The following COL7A1 variants were observed in gnomAD, a reference collection of about 807,000 sequenced individuals.
COL7A1 encodes collagen alpha-1(VII) chain.
COL7A1 carries 296 observed loss-of-function variants against 456.2 expected under a neutral mutation model. That is an observed-to-expected ratio of 0.65 (90% CI 0.59 to 0.71). The LOEUF (loss-of-function observed/expected upper bound fraction) is 0.71, where lower values mean the gene tolerates loss of function less well. COL7A1 is among the 30% of genes least tolerant of loss of function. The pLI is 0.00. For missense variants in COL7A1, 3,441 were observed against 4,017.2 expected (o/e 0.86, Z 3.88); for synonymous variants, 1,464 against 1,525.9 (o/e 0.96, Z 0.95).
At position 48,594,779 on chromosome 3, in the gene COL7A1, C is replaced by T. The variant is rs973944322; in HGVS notation, c.86-231G>A. Among the ~76,000 whole-genome samples the T allele has an allele frequency of 3.8e-4, 58 of 152,108 alleles. No homozygotes were observed. The highest frequency in any genetic ancestry group is 1.4e-3 in the African/African-American group (57 of 41,498). On this transcript the variant is annotated intron_variant, in intron 2 of 118. Coordinates refer to ENST00000681320, the MANE Select transcript of COL7A1 (RefSeq NM_000094.4). This position sits in a 1 kb window ranked among gnomAD's most constrained non-coding sequence, Gnocchi z 5.5. ...TGCGGGGGAGGGAGAGTCGCCAGCA[C>T]GGGTGTGGACTTGGGACTGAGGTCA...
Position 48,588,731 on chromosome 3 carries a change from C to T in COL7A1, c.2498G>A (p.Gly833Asp), listed in dbSNP as rs968400199. The change falls in exon 20 of 119, where the codon GGT (glycine) becomes GAT (aspartate). Residue 833 changes from glycine (G) to aspartate (D), a missense_variant. Transcript: ENST00000681320. This position sits in a 1 kb window ranked among gnomAD's most constrained non-coding sequence, Gnocchi z 4.6. ...PGNTDSAEIR[G>D]LEGGVSYSVR... ...TGAGTAGCTGACTCCACCTTCGAGA[C>T]CCCGGATCTCTGCAGAGTCTGTGTT... 3 of 1,613,896 alleles carry T rather than the reference C, an allele frequency of 1.9e-6. No individual in the cohort carries two copies. The highest frequency in any genetic ancestry group is 2.5e-6 in the Non-Finnish European group (3 of 1,180,052).
intron 71 of COL7A1, 119 bp from the exon 72 acceptor site, chr3:48,576,021 C>A: frequency 6.5e-7 from 1 of 1,532,460 alleles, no homozygotes; most frequent in African/African-American, 1.4e-5. Flanking sequence ...CCCAGAGCAC[C>A]CTTTAGCACT....
chr3:48,573,168 AC>A lies in COL7A1; in HGVS notation c.6714+5del. On this transcript the variant is annotated splice_donor_5th_base_variant and intron_variant, in intron 85 of 118. Transcript: ENST00000681320. This position sits in a 1 kb window ranked among gnomAD's most constrained non-coding sequence, Gnocchi z 5.5. ...GTCCCTACAGGGGCCACAGGGACTC[AC>A]TCACCACAAGGCCTGAAGGGCCGGG... The A allele has an allele frequency of 6.2e-7, 1 of 1,613,992 alleles. No individual in the cohort carries two copies. The highest frequency in any genetic ancestry group is 8.5e-7 in the Non-Finnish European group (1 of 1,179,954).
rs966225350 is a variant in COL7A1 at position 48,585,255 on chromosome 3, G to C, written c.3895-139C>G. 3.4e-6 allele frequency: 3 copies of C among 875,350 alleles called. No individual in the cohort carries two copies. The highest frequency in any genetic ancestry group is 3.4e-4 in the Middle Eastern group (1 of 2,956). The allele number at this position is 875,350 out of a possible 1,614,324, so 54.2% of individuals were successfully genotyped here. On this transcript the variant is annotated intron_variant, in intron 32 of 118. Coordinates refer to ENST00000681320, the MANE Select transcript of COL7A1 (RefSeq NM_000094.4). The surrounding 1 kb of genome is among the most constrained non-coding windows in gnomAD (Gnocchi z 4.5). ...TTATTGGGGGTGGAACAGTGAGGCA[G>C]AGAAATGGCCCCTCAGAGCTTCACA...
At position 48,580,368 on chromosome 3, in the gene COL7A1, C is replaced by T. The variant is rs1296396089; in HGVS notation, c.5053-24G>A. The T allele has an allele frequency of 6.2e-7, 1 of 1,605,920 alleles. No homozygotes were observed. Among genetic ancestry groups the T allele is most frequent in the South Asian group, 1.1e-5 (1 of 89,742 alleles). The stretch of plus-strand genomic sequence containing the variant: ...CCCTGCAGAAAGGCAGGGGTCAGGG[C>T]CACTCAAGGTAGGCAGCAGTTTGGG... On this transcript the variant is annotated intron_variant, in intron 55 of 118. Transcript: ENST00000681320. The surrounding 1 kb of genome is among the most constrained non-coding windows in gnomAD (Gnocchi z 4.5).
intron 44 of COL7A1, 132 bp downstream of exon 44, chr3:48,582,875 AGAGCCT>A: frequency 7.3e-7 from 1 of 1,362,224 alleles, no homozygotes; most frequent in Non-Finnish European, 1.0e-6. Flanking sequence ...GCTGAGGGTT[AGAGCCT>A]GTATCAGCAG....
chr3:48,564,932 A>G lies in COL7A1; in HGVS notation c.8669T>C (p.Leu2890Pro). Residue 2890 changes from leucine (L) to proline (P), a missense_variant, in exon 118 of 119, where the codon CTG (leucine) becomes CCG (proline). Physicochemically the swap from Leu to Pro is moderately conservative, Grantham distance 98. Transcript: ENST00000681320. The surrounding 1 kb of genome is among the most constrained non-coding windows in gnomAD (Gnocchi z 6.0). ...TGTCACAGCCCGATGGTACCAGCGC[A>G]GGGTGTAGGCAGTGCAGGAGCCCTC... is the stretch of plus-strand genomic sequence containing the variant. ...LDEGSCTAYT[L>P]RWYHRAVTGS... 2 of 1,614,186 alleles carry G rather than the reference A, an allele frequency of 1.2e-6. No homozygotes were observed. Among genetic ancestry groups the G allele is most frequent in the Non-Finnish European group, 1.7e-6 (2 of 1,180,018 alleles).
At position 48,588,764 on chromosome 3, in the gene COL7A1, A is replaced by G; in HGVS notation, c.2465T>C (p.Leu822Pro). The change falls in exon 20 of 119, where the codon CTC (leucine) becomes CCC (proline). Residue 822 changes from leucine to proline, a missense_variant. Physicochemically the swap from Leu to Pro is moderately conservative, Grantham distance 98. Transcript: ENST00000681320. This position sits in a 1 kb window ranked among gnomAD's most constrained non-coding sequence, Gnocchi z 4.6. Reference sequence around the variant, plus strand: ...CTCTGCAGAGTCTGTGTTTCCTGGGAGTATCTGGTGCCTCATGGGGCCGCC... The same window carrying G: ...CTCTGCAGAGTCTGTGTTTCCTGGGGGTATCTGGTGCCTCATGGGGCCGCC... ...SEGGPMRHQILPGNTDSAEIR... is the reference protein window; with the variant it reads ...SEGGPMRHQIPPGNTDSAEIR... 1 of 1,613,840 alleles carries G rather than the reference A, an allele frequency of 6.2e-7. No individual in the cohort carries two copies. Among genetic ancestry groups the G allele is most frequent in the Non-Finnish European group, 8.5e-7 (1 of 1,180,030 alleles).
In COL7A1 at chr3:48,574,895, GTC is replaced by G; in HGVS notation, c.6280-32_6280-31del. On this transcript the variant is annotated intron_variant, in intron 76 of 118. Coordinates refer to ENST00000681320, the MANE Select transcript of COL7A1 (RefSeq NM_000094.4). This position sits in a 1 kb window ranked among gnomAD's most constrained non-coding sequence, Gnocchi z 5.0. Reference sequence around the variant, plus strand: ...AAACACAAGGTCACAGGGGAGAGATGTCTCTGTCATAGAGGCATGGGGGAGTC... The same window carrying G: ...AAACACAAGGTCACAGGGGAGAGATGTCTGTCATAGAGGCATGGGGGAGTC... 6.2e-7 allele frequency: 1 copy of G among 1,612,298 alleles called. No homozygotes were observed. Among genetic ancestry groups the G allele is most frequent in the Non-Finnish European group, 8.5e-7 (1 of 1,178,746 alleles).
rs1420800649 is a variant in COL7A1, at chr3:48,591,762, C to T, written c.1418G>A (p.Gly473Glu). ...PSDVTRYQLD[G>E]LQPGTEYRLT... The stretch of plus-strand genomic sequence containing the variant: ...GCGGTACTCAGTGCCCGGCTGCAGC[C>T]CATCCAACTGGTAGCGGGTCACATC... The change falls in exon 12 of 119, where the codon GGG becomes GAG. Residue 473 changes from glycine to glutamate, a missense_variant. Physicochemically the swap from Gly to Glu is moderately conservative, Grantham distance 98. Around this residue, in one of 3 missense-constraint regions of COL7A1, gnomAD observed 913 missense variants for 1,088.2 expected, o/e 0.84. Coordinates refer to ENST00000681320, the MANE Select transcript of COL7A1 (RefSeq NM_000094.4). This position sits in a 1 kb window ranked among gnomAD's most constrained non-coding sequence, Gnocchi z 7.0. The T allele has an allele frequency of 2.5e-6, 4 of 1,614,184 alleles. No homozygotes were observed. The highest frequency in any genetic ancestry group is 3.4e-6 in the Non-Finnish European group (4 of 1,180,028).
chr3:48,592,418 G>T lies in COL7A1; in HGVS notation c.1026C>A (p.Ser342Arg), dbSNP rs1227949874. Reference protein sequence around the residue: ...ELTIQNTTAHSLLVAWRSVPG... With the variant: ...ELTIQNTTAHRLLVAWRSVPG... Reference sequence around the variant, plus strand: ...GCACACTCCGCCAGGCCACCAGGAGGCTGTGGGCTGTGGTATTCTGGATGG... The same window carrying T: ...GCACACTCCGCCAGGCCACCAGGAGTCTGTGGGCTGTGGTATTCTGGATGG... Residue 342 changes from serine (S) to arginine (R), a missense_variant, in exon 9 of 119, where the codon AGC becomes AGA. By Grantham distance (110) the Ser-to-Arg change is moderately radical. This residue lies in a region of COL7A1 where 913 missense variants were observed against 1,088.2 expected (regional missense o/e 0.84). Coordinates refer to ENST00000681320, the MANE Select transcript of COL7A1 (RefSeq NM_000094.4). The surrounding 1 kb of genome is among the most constrained non-coding windows in gnomAD (Gnocchi z 7.6). The T allele has an allele frequency of 6.2e-7, 1 of 1,613,818 alleles. No homozygotes were observed. The highest frequency in any genetic ancestry group is 2.2e-5 in the East Asian group (1 of 44,886).
rs1174254431 is a variant in COL7A1 at position 48,567,975 on chromosome 3, A to T, written c.7876-84T>A. On this transcript the variant is annotated intron_variant, in intron 106 of 118. Coordinates refer to ENST00000681320, the MANE Select transcript of COL7A1 (RefSeq NM_000094.4). The surrounding 1 kb of genome is among the most constrained non-coding windows in gnomAD (Gnocchi z 4.3). ...TCACCCTGAAACTAACTCTCCAAAC[A>T]GGCCTCAGCTACTCCAACCTCTGAC... The T allele has an allele frequency of 6.2e-7, 1 of 1,602,174 alleles. No individual in the cohort carries two copies. Among genetic ancestry groups the T allele is most frequent in the Non-Finnish European group, 8.5e-7 (1 of 1,169,714 alleles).
At position 48,585,087 on chromosome 3, in the gene COL7A1, G is replaced by C. The variant is rs1411253007; in HGVS notation, c.3924C>G (p.Gly1308=). The C allele has an allele frequency of 9.9e-6, 16 of 1,612,006 alleles. No homozygotes were observed. Among genetic ancestry groups the C allele is most frequent in the Non-Finnish European group, 1.4e-5 (16 of 1,179,816 alleles). Residue 1308 remains glycine (G), a synonymous_variant, in exon 33 of 119, where the codon GGC becomes GGG. Transcript: ENST00000681320. The surrounding 1 kb of genome is among the most constrained non-coding windows in gnomAD (Gnocchi z 4.5). ...CAGGATTCCCGGCGCGGCCAGGGCT[G>C]CCTGGACGCCCATCTGCTCCAGGGA... is the stretch of plus-strand genomic sequence containing the variant. ...RGFPGADGRP[G]SPGRAGNPGT...
chr3:48,570,417 G>A lies in COL7A1; in HGVS notation c.7380+48C>T, dbSNP rs1371929183. The A allele has an allele frequency of 6.2e-7, 1 of 1,613,922 alleles. No homozygotes were observed. Among genetic ancestry groups the A allele is most frequent in the Non-Finnish European group, 8.5e-7 (1 of 1,179,948 alleles). On this transcript the variant is annotated intron_variant, in intron 97 of 118. Transcript: ENST00000681320. The surrounding 1 kb of genome is among the most constrained non-coding windows in gnomAD (Gnocchi z 5.5). ...CATGGGAGGTCAGTGGAGGCTGAAG[G>A]GGGTGACCAGGGCACAAGAGAGAGT... is the stretch of plus-strand genomic sequence containing the variant.
At chr3:48,576,216 CAG>C (rs1299431431) in intron 71 of COL7A1, 31 bp downstream of exon 71, 4 of 1,612,766 alleles carry the variant, frequency 2.5e-6, no homozygotes, top group Non-Finnish European at 3.4e-6. Context: ...GCATGCAAAA[CAG>C]AGTCAAGGGG....
Position 48,578,863 on chromosome 3 carries a change from G to A in COL7A1, c.5424+56C>T. On this transcript the variant is annotated intron_variant, in intron 63 of 118. Coordinates refer to ENST00000681320, the MANE Select transcript of COL7A1 (RefSeq NM_000094.4). This position sits in a 1 kb window ranked among gnomAD's most constrained non-coding sequence, Gnocchi z 4.7. ...TCGGATGCTGTGACTATGATGATCTGGTTGGAGCTTACGCAGCCCCGAGCC... is the reference window on the plus strand; with the variant it reads ...TCGGATGCTGTGACTATGATGATCTAGTTGGAGCTTACGCAGCCCCGAGCC... 1 of 1,564,068 alleles carries A rather than the reference G, an allele frequency of 6.4e-7. No individual in the cohort carries two copies. The highest frequency in any genetic ancestry group is 1.8e-5 in the Admixed American group (1 of 56,488).
Position 48,567,066 on chromosome 3 carries a change from G to T in COL7A1, c.8110-43C>A. 6.2e-7 allele frequency: 1 copy of T among 1,611,968 alleles called. No individual in the cohort carries two copies. The highest frequency in any genetic ancestry group is 8.5e-7 in the Non-Finnish European group (1 of 1,178,244). ...AGAGTCAGTAATCAGAGGCCCCAGA[G>T]ATGGACCCTCTCCCAAAGTGCACGC... On this transcript the variant is annotated intron_variant, in intron 110 of 118. Transcript: ENST00000681320. This position sits in a 1 kb window ranked among gnomAD's most constrained non-coding sequence, Gnocchi z 4.3.
rs1455895096 is a variant in COL7A1, at chr3:48,592,319, G to A, written c.1093+32C>T. ...ACTCTACAGCCTTGTCTGAGGCGCG[G>A]GGACTCCCCTCAGCCCACATCTCTC... On this transcript the variant is annotated intron_variant, in intron 9 of 118. Coordinates refer to ENST00000681320, the MANE Select transcript of COL7A1 (RefSeq NM_000094.4). The surrounding 1 kb of genome is among the most constrained non-coding windows in gnomAD (Gnocchi z 7.6). 2.5e-6 allele frequency: 4 copies of A among 1,613,344 alleles called. No individual in the cohort carries two copies. The African/African-American group carries it at 4.0e-5, about 16-fold the overall frequency.
chr3:48,573,621 A>G lies in COL7A1; in HGVS notation c.6574-64T>C. 1.9e-6 allele frequency: 3 copies of G among 1,613,562 alleles called. No individual in the cohort carries two copies. Among genetic ancestry groups the G allele is most frequent in the Non-Finnish European group, 2.5e-6 (3 of 1,179,668 alleles). Reference sequence around the variant, plus strand: ...GATTAACACAGAGAAGGCCTGGCTCATCAGCTGTGGCCAATGCCTATCCCA... The same window carrying G: ...GATTAACACAGAGAAGGCCTGGCTCGTCAGCTGTGGCCAATGCCTATCCCA... On this transcript the variant is annotated intron_variant, in intron 82 of 118. Transcript: ENST00000681320. This position sits in a 1 kb window ranked among gnomAD's most constrained non-coding sequence, Gnocchi z 5.5.
Sources: gnomAD v4.1 joint callset for allele counts (sites outside exome capture counted in the v4.1 genomes callset) on GRCh38, gnomAD v4.1.1 for gene constraint, gnomAD v4.1.1 regional missense constraint, Gnocchi (gnomAD v3.1) non-coding constraint, MANE v1.5 for transcripts, NCBI Gene and HGNC (gene_info 2026-07-23, HGNC 2026-07-21) for gene names.